AGPAT4: variants seen among roughly 807,000 people sequenced by gnomAD.
AGPAT4 encodes 1-acylglycerol-3-phosphate O-acyltransferase 4, also known as 1-acyl-sn-glycerol-3-phosphate acyltransferase delta.
In AGPAT4, 15 loss-of-function variants were observed where a neutral mutation model predicts 48.0. The ratio of observed to expected loss-of-function variants is 0.31; its 90% CI spans 0.21 to 0.48. The LOEUF is 0.48. AGPAT4 is among the 20% of genes least tolerant of loss of function. AGPAT4 has a pLI of 0.99. For missense variants in AGPAT4, 314 were observed against 482.5 expected (o/e 0.65, Z 3.27); for synonymous variants, 178 against 198.7 (o/e 0.90, Z 0.88).
Position 161,264,664 on chromosome 6 carries a change from C to A in AGPAT4, c.-90+9274G>T, listed in dbSNP as rs1783198240. Reference sequence around the variant, plus strand: ...TCCTCAAAGGCACTTGCAGGGTCGGCTCCCTCTTTGTATTCCTGCGGGCTG... The same window carrying A: ...TCCTCAAAGGCACTTGCAGGGTCGGATCCCTCTTTGTATTCCTGCGGGCTG... On this transcript the variant is annotated intron_variant, in intron 1 of 8. Coordinates refer to ENST00000320285, the MANE Select transcript of AGPAT4 (RefSeq NM_020133.3). The surrounding 1 kb of genome is among the most constrained non-coding windows in gnomAD (Gnocchi z 6.8). Among the ~76,000 whole-genome samples, 1 of 152,208 alleles carries A rather than the reference C, an allele frequency of 6.6e-6. No homozygotes were observed. The highest frequency in any genetic ancestry group is 1.5e-5 in the Non-Finnish European group (1 of 68,030).
At position 161,165,007 on chromosome 6, in the gene AGPAT4, T is replaced by A. The variant is rs1401059616; in HGVS notation, c.348+1241A>T. Among the ~76,000 whole-genome samples, 1 of 152,106 alleles carries A rather than the reference T, an allele frequency of 6.6e-6. No individual in the cohort carries two copies. The highest frequency in any genetic ancestry group is 2.4e-5 in the African/African-American group (1 of 41,436). ...ACAGTCAAGATGCACCGGCTCCCCA[T>A]ACCCTTCCTCCTGGGCAGGAGAAGA... On this transcript the variant is annotated intron_variant, in intron 3 of 8. Transcript: ENST00000320285. This position sits in a 1 kb window ranked among gnomAD's most constrained non-coding sequence, Gnocchi z 5.5.
intron 1 of AGPAT4, among the ~76,000 whole-genome samples, chr6:161,241,976 G>A (rs1198661170): frequency 1.4e-4 from 22 of 152,106 alleles, no homozygotes; most frequent in African/African-American, 4.8e-4. Flanking sequence ...CAAGTGATCC[G>A]CCTGCCTCAG....
rs377227733 is a variant in AGPAT4 at position 161,190,823 on chromosome 6, G to C, written c.179-24406C>G. On this transcript the variant is annotated intron_variant, in intron 2 of 8. Transcript: ENST00000320285. ...GCAGAAATAAACTAATCATTAAAAA[G>C]TCAATTTTGTGGTTCTTGGGTAGTA... Among the ~76,000 whole-genome samples, 5 of 152,170 alleles carry C rather than the reference G, an allele frequency of 3.3e-5. No individual in the cohort carries two copies. The South Asian group carries it at 6.2e-4, about 19-fold the overall frequency.
At chr6:161,182,809 C>T (rs979287423) in intron 2 of AGPAT4, among the ~76,000 whole-genome samples, 6 of 152,230 alleles carry the variant, frequency 3.9e-5, no homozygotes, top group African/African-American at 1.4e-4. Flanking sequence ...GGACACTGGG[C>T]ACTGCTTTTG....
Position 161,215,926 on chromosome 6 carries a change from C to T in AGPAT4, c.178+16110G>A, listed in dbSNP as rs1192001851. Among the ~76,000 whole-genome samples the T allele has an allele frequency of 3.3e-5, 5 of 152,204 alleles. No homozygotes were observed. Among genetic ancestry groups the T allele is most frequent in the Non-Finnish European group, 7.3e-5 (5 of 68,050 alleles). ...TTTATCTATGCCGGCAAGCAAAACT[C>T]TTCGCATGCACCCTGCCATGAAGGG... On this transcript the variant is annotated intron_variant, in intron 2 of 8. Transcript: ENST00000320285. The surrounding 1 kb of genome is among the most constrained non-coding windows in gnomAD (Gnocchi z 4.5).
chr6:161,142,241 G>A lies in AGPAT4; in HGVS notation c.844-2621C>T, dbSNP rs1393550745. On this transcript the variant is annotated intron_variant, in intron 7 of 8. Coordinates refer to ENST00000320285, the MANE Select transcript of AGPAT4 (RefSeq NM_020133.3). This position sits in a 1 kb window ranked among gnomAD's most constrained non-coding sequence, Gnocchi z 6.4. Reference sequence around the variant, plus strand: ...ACTTATGGCCCATGACATTGCCACAGGACCTCCCACTGACTATCGGGGAGA... The same window carrying A: ...ACTTATGGCCCATGACATTGCCACAAGACCTCCCACTGACTATCGGGGAGA... Among the ~76,000 whole-genome samples, 1 of 152,190 alleles carries A rather than the reference G, an allele frequency of 6.6e-6. No individual in the cohort carries two copies.
rs778931340 is a variant in AGPAT4, at chr6:161,222,268, G to C, written c.178+9768C>G. ...TCCTTTTCTACTCATTCCATAAGCT[G>C]TTCCTTATTTTGTCCTTTTTTGGTG... On this transcript the variant is annotated intron_variant, in intron 2 of 8. Coordinates refer to ENST00000320285, the MANE Select transcript of AGPAT4 (RefSeq NM_020133.3). This position sits in a 1 kb window ranked among gnomAD's most constrained non-coding sequence, Gnocchi z 5.9. 2.0e-5 allele frequency among the ~76,000 whole-genome samples: 3 copies of C among 152,104 alleles called. No homozygotes were observed. Among genetic ancestry groups the C allele is most frequent in the Non-Finnish European group, 2.9e-5 (2 of 68,026 alleles).
intron 1 of AGPAT4, among the ~76,000 whole-genome samples, chr6:161,252,240 A>G (rs1430565058): frequency 6.6e-6 from 1 of 152,154 alleles, no homozygotes; most frequent in Non-Finnish European, 1.5e-5. Flanking sequence ...TGGTAATAGG[A>G]GAGTCCTCTC....
At chr6:161,241,807 A>C (rs1335189759) in intron 1 of AGPAT4, among the ~76,000 whole-genome samples, 1 of 152,202 alleles carries the variant, frequency 6.6e-6, no homozygotes, top group Non-Finnish European at 1.5e-5. Flanking sequence ...ATCTCGGCTC[A>C]CTGCAACCTC....
intron 2 of AGPAT4, among the ~76,000 whole-genome samples, chr6:161,193,082 AAATTCT>A (rs1780968890): frequency 6.6e-6 from 1 of 152,222 alleles, no homozygotes; most frequent in Non-Finnish European, 1.5e-5. Flanking sequence ...CAGTTCTAGA[AAATTCT>A]GAGCCATTGT....
In AGPAT4 at chr6:161,148,245, C is replaced by T. The variant is rs937250758; in HGVS notation, c.767+942G>A. On this transcript the variant is annotated intron_variant, in intron 6 of 8. Coordinates refer to ENST00000320285, the MANE Select transcript of AGPAT4 (RefSeq NM_020133.3). This position sits in a 1 kb window ranked among gnomAD's most constrained non-coding sequence, Gnocchi z 5.5. ...TATGCCACAGAACTGAGTCACAGGG[C>T]AGACTGTTGCCTGCACCATCAGACA... Among the ~76,000 whole-genome samples the T allele has an allele frequency of 2.6e-5, 4 of 152,210 alleles. No homozygotes were observed. Among genetic ancestry groups the T allele is most frequent in the Non-Finnish European group, 4.4e-5 (3 of 68,040 alleles).
In AGPAT4 at chr6:161,246,628, C is replaced by T. The variant is rs372283036; in HGVS notation, c.-89-14326G>A. Among the ~76,000 whole-genome samples, 36 of 152,234 alleles carry T rather than the reference C, an allele frequency of 2.4e-4. No individual in the cohort carries two copies. Among genetic ancestry groups the T allele is most frequent in the Middle Eastern group, 3.4e-3 (1 of 294 alleles). On this transcript the variant is annotated intron_variant, in intron 1 of 8. Coordinates refer to ENST00000320285, the MANE Select transcript of AGPAT4 (RefSeq NM_020133.3). This position sits in a 1 kb window ranked among gnomAD's most constrained non-coding sequence, Gnocchi z 5.5. ...TTCTCCATGTTGGTCAGGCTGGTCT[C>T]GAACTCCCAATCTCAGGTGATCCAC...
rs976503324 is a variant in AGPAT4 at position 161,139,999 on chromosome 6, C to T, written c.844-379G>A. ...AGCAGTGCCTTCCACGATAGGTCGGCGGGAGAATGGAGTGGATGCTGCGCC... is the reference window on the plus strand; with the variant it reads ...AGCAGTGCCTTCCACGATAGGTCGGTGGGAGAATGGAGTGGATGCTGCGCC... On this transcript the variant is annotated intron_variant, in intron 7 of 8. Transcript: ENST00000320285. The surrounding 1 kb of genome is among the most constrained non-coding windows in gnomAD (Gnocchi z 9.1). Among the ~76,000 whole-genome samples, 3 of 152,202 alleles carry T rather than the reference C, an allele frequency of 2.0e-5. No individual in the cohort carries two copies. Among genetic ancestry groups the T allele is most frequent in the South Asian group, 4.1e-4 (2 of 4,828 alleles).
At chr6:161,199,337 A>C (rs1424350331) in intron 2 of AGPAT4, among the ~76,000 whole-genome samples, 1 of 152,240 alleles carries the variant, frequency 6.6e-6, no homozygotes, top group Non-Finnish European at 1.5e-5. Context: ...GGCTCAAACC[A>C]CATGGCTGGT....
rs1227237764 is a variant in AGPAT4 at position 161,159,964 on chromosome 6, G to A, written c.349-5654C>T. The stretch of plus-strand genomic sequence containing the variant: ...TTTTTTTTTCTTTTTTTGAGATGGA[G>A]TCTTGCTCTGTTGCCCAGGCTGGAG... On this transcript the variant is annotated intron_variant, in intron 3 of 8. Coordinates refer to ENST00000320285, the MANE Select transcript of AGPAT4 (RefSeq NM_020133.3). The surrounding 1 kb of genome is among the most constrained non-coding windows in gnomAD (Gnocchi z 4.1). 2 of 134,570 alleles carry A rather than the reference G, an allele frequency of 1.5e-5. No homozygotes were observed. Among genetic ancestry groups the A allele is most frequent in the African/African-American group, 2.9e-5 (1 of 34,862 alleles). The allele number at this position is 134,570 out of a possible 1,614,324, so 8.3% of individuals were successfully genotyped here. A position where few individuals can be genotyped will look rare whatever the true frequency, so the allele number is the denominator to read the frequency against.
chr6:161,210,304 A>T (rs1205369262), intron 2 of AGPAT4, among the ~76,000 whole-genome samples: 1 of 152,176 alleles, frequency 6.6e-6, no homozygotes. Flanking sequence ...TTTGATTTAC[A>T]CCTTAGTTGT....
At chr6:161,160,104 A>ATTTTTTTTTTTTTTTTTTTTT (rs5881394) in intron 3 of AGPAT4, 1 of 74,008 alleles carries the variant, frequency 1.4e-5, no homozygotes, top group African/African-American at 5.3e-5. Flanking sequence ...CACCCAGCTA[A>ATTTTTTTTTTTTTTTTTTTTT]TTTTTTTTTT....
rs1257941386 is a variant in AGPAT4 at position 161,147,877 on chromosome 6, G to C, written c.768-1278C>G. Among the ~76,000 whole-genome samples, 1 of 152,174 alleles carries C rather than the reference G, an allele frequency of 6.6e-6. No individual in the cohort carries two copies. Among genetic ancestry groups the C allele is most frequent in the Non-Finnish European group, 1.5e-5 (1 of 68,020 alleles). On this transcript the variant is annotated intron_variant, in intron 6 of 8. Transcript: ENST00000320285. The surrounding 1 kb of genome is among the most constrained non-coding windows in gnomAD (Gnocchi z 4.8). ...TGTACTGATGTGTGTTCAGAAACAT[G>C]CCTCAATCATTTTTAATGGGCAGCT...
At chr6:161,162,186 C>A (rs975357164) in intron 3 of AGPAT4, among the ~76,000 whole-genome samples, 4 of 152,208 alleles carry the variant, frequency 2.6e-5, no homozygotes, top group African/African-American at 9.7e-5. Context: ...AGGTCTCAGA[C>A]CAAATGTCAT....
Sources: allele counts gnomAD v4.1 joint callset (sites outside exome capture counted in the v4.1 genomes callset), GRCh38; gene constraint gnomAD v4.1.1; non-coding constraint Gnocchi (gnomAD v3.1); transcripts MANE v1.5; gene names NCBI Gene and HGNC (gene_info 2026-07-23, HGNC 2026-07-21).